FAM20C: variants seen among roughly 807,000 people sequenced by gnomAD.
FAM20C encodes extracellular serine/threonine protein kinase FAM20C.
FAM20C carries 40 observed loss-of-function variants against 51.5 expected under a neutral mutation model. The ratio of observed to expected loss-of-function variants is 0.78; its 90% CI spans 0.60 to 1.01. FAM20C has a LOEUF of 1.01. Among genes scored for constraint, FAM20C ranks in the 50% least tolerant of loss-of-function variants. The pLI is 0.00. For missense variants in FAM20C, 861 were observed against 844.7 expected, an observed-to-expected ratio of 1.02 and a Z score of -0.24; for synonymous variants, 406 against 380.6, an observed-to-expected ratio of 1.07 and a Z score of -0.78.
intron 3 of FAM20C, among the ~76,000 whole-genome samples, chr7:210,691 C>G (rs1250488458): frequency 3.9e-5 from 6 of 152,090 alleles, no homozygotes; most frequent in Non-Finnish European, 8.8e-5. Flanking sequence ...AGCTACGGGA[C>G]CTTGAGTGCT....
At chr7:243,948 A>ATTATTATTC (rs1554254475) in intron 3 of FAM20C, among the ~76,000 whole-genome samples, 2 of 147,488 alleles carry the variant, frequency 1.4e-5, no homozygotes, top group Admixed American at 1.4e-4. Context: ...AATAATAATT[A>ATTATTATTC]TTATTATTAT....
chr7:205,147 C>A (rs555669092), intron 2 of FAM20C, among the ~76,000 whole-genome samples: 15 of 152,324 alleles, frequency 9.8e-5, no homozygotes, highest in African/African-American at 3.6e-4. Context: ...TCCTGAGCCC[C>A]ATTGTTTTCT....
intron 2 of FAM20C, among the ~76,000 whole-genome samples, chr7:196,009 G>A (rs1785850073): frequency 6.6e-6 from 1 of 152,218 alleles, no homozygotes; most frequent in South Asian, 2.1e-4. Context: ...GGTGGTCCCG[G>A]GGGTGCCAAC....
Position 207,233 on chromosome 7 carries a change from T to G in FAM20C, c.785-1665T>G, listed in dbSNP as rs28705134. Among the ~76,000 whole-genome samples, 20 of 16,890 alleles carry G rather than the reference T, an allele frequency of 1.2e-3. 1 individual carries two copies. Among genetic ancestry groups the G allele is most frequent in the East Asian group, 0.011 (6 of 522 alleles). The allele number at this position is 16,890 out of a possible 152,430, so 11.1% of individuals were successfully genotyped here. ...GTATCCACTGTGAGGCGTCGGTCACTGTCCCCTCGGCCCCGCACACGTGTC... is the reference window on the plus strand; with the variant it reads ...GTATCCACTGTGAGGCGTCGGTCACGGTCCCCTCGGCCCCGCACACGTGTC... On this transcript the variant is annotated intron_variant, in intron 2 of 9. Coordinates refer to ENST00000313766, the MANE Select transcript of FAM20C (RefSeq NM_020223.4).
At chr7:210,569 C>T (rs933974802) in intron 3 of FAM20C, among the ~76,000 whole-genome samples, 7 of 152,046 alleles carry the variant, frequency 4.6e-5, no homozygotes, top group East Asian at 1.9e-4. Context: ...GCCGCGGGCA[C>T]GGCTGGGGGA....
rs373614292 is a variant in FAM20C, at chr7:255,928, C to T, written c.1152C>T (p.Ile384=). The change falls in exon 6 of 10, where the codon ATC becomes ATT. Residue 384 remains isoleucine, a synonymous_variant. Transcript: ENST00000313766. ...EHALCGKPDQ[I]EGSLAAFLPD... ...CCCTGTGCGGGAAGCCAGACCAGAT[C>T]GAGGGCTCGCTGGCGGCCTTCCTGC... 6.8e-5 allele frequency: 105 copies of T among 1,536,368 alleles called. No homozygotes were observed. The Admixed American group carries it at 1.3e-3, about 19-fold the overall frequency.
At position 243,948 on chromosome 7, in the gene FAM20C, A is replaced by ATTATTC. The variant is rs1436529052; in HGVS notation, c.864-2462_864-2461insCTTATT. On this transcript the variant is annotated intron_variant, in intron 3 of 9. Coordinates refer to ENST00000313766, the MANE Select transcript of FAM20C (RefSeq NM_020223.4). Reference sequence around the variant, plus strand: ...AATAATAATAATAATAATAATAATTATTATTATTATTATTTGGAGACAGGG... The same window carrying ATTATTC: ...AATAATAATAATAATAATAATAATTATTATTCTTATTATTATTATTTGGAGACAGGG... Among the ~76,000 whole-genome samples the ATTATTC allele has an allele frequency of 1.5e-4, 22 of 147,488 alleles. 1 individual carries two copies. Among genetic ancestry groups the ATTATTC allele is most frequent in the African/African-American group, 5.4e-4 (22 of 40,622 alleles).
chr7:256,587 C>T (rs1241827195), intron 6 of FAM20C, 67 bp from the exon 7 acceptor site: 5 of 1,317,634 alleles, frequency 3.8e-6, no homozygotes, highest in Non-Finnish European at 3.2e-6. Flanking sequence ...TCTTCTGCTC[C>T]TCATGGCACG....
intron 5 of FAM20C, among the ~76,000 whole-genome samples, chr7:252,906 G>A (rs139717745): frequency 0.053 from 8,082 of 152,350 alleles, 268 homozygotes; most frequent in Non-Finnish European, 0.081. Flanking sequence ...CGTTGCAAAC[G>A]TCCCAGAGGT....
At chr7:255,130 C>T (rs879652836) in intron 5 of FAM20C, among the ~76,000 whole-genome samples, 2 of 152,134 alleles carry the variant, frequency 1.3e-5, no homozygotes, top group Admixed American at 6.5e-5. Flanking sequence ...TCCTGGGTCA[C>T]GTGGAAACAC....
chr7:255,038 C>CG (rs929903601), intron 5 of FAM20C, among the ~76,000 whole-genome samples: 16 of 152,180 alleles, frequency 1.1e-4, no homozygotes, highest in African/African-American at 3.9e-4. Flanking sequence ...CTGTGGTGAG[C>CG]GGTGCTGCTG....
rs777009380 is a variant in FAM20C at position 195,701 on chromosome 7, C to G, written c.753C>G (p.His251Gln). 3 of 1,609,858 alleles carry G rather than the reference C, an allele frequency of 1.9e-6. No homozygotes were observed. The highest frequency in any genetic ancestry group is 1.7e-6 in the Non-Finnish European group (2 of 1,178,076). Residue 251 changes from histidine to glutamine, a missense_variant, in exon 2 of 10, where the codon CAC becomes CAG. By Grantham distance (24) the His-to-Gln change is conservative. Transcript: ENST00000313766. ...ACCCGGCCATCGAGGCCCTGCTGCA[C>G]GACCTCAGCTCCCAGAGGATCACCA... ...RHNPAIEALLHDLSSQRITSV... is the reference protein window; with the variant it reads ...RHNPAIEALLQDLSSQRITSV...
chr7:195,269 C>T (rs575390230), intron 1 of FAM20C: 203 of 351,884 alleles, frequency 5.8e-4, no homozygotes, highest in African/African-American at 4.0e-3. Context: ...GGCAGGGCAG[C>T]GCTGACGTCC....
At chr7:254,255 A>G (rs903738934) in intron 5 of FAM20C, among the ~76,000 whole-genome samples, 8 of 152,156 alleles carry the variant, frequency 5.3e-5, no homozygotes, top group African/African-American at 1.9e-4. Flanking sequence ...TCCGCTGGGA[A>G]GCGCCCTGCC....
At chr7:235,600 G>A (rs1226821838) in intron 3 of FAM20C, among the ~76,000 whole-genome samples, 1 of 152,228 alleles carries the variant, frequency 6.6e-6, no homozygotes, top group Non-Finnish European at 1.5e-5. Context: ...TGCCGAGGAG[G>A]TCCTGGGTAG....
intron 3 of FAM20C, among the ~76,000 whole-genome samples, chr7:213,235 G>C (rs558296183): frequency 8.7e-5 from 13 of 148,680 alleles, no homozygotes; most frequent in South Asian, 2.2e-4. Context: ...GTGACATGGA[G>C]GGCTGTGGAG....
chr7:244,992 G>A (rs931073909), intron 3 of FAM20C, among the ~76,000 whole-genome samples: 3 of 152,336 alleles, frequency 2.0e-5, no homozygotes, highest in South Asian at 4.1e-4. Flanking sequence ...TGTAATTGAC[G>A]GCCTGTGACC....
chr7:194,538 G>C (rs541886876), intron 1 of FAM20C, among the ~76,000 whole-genome samples: 1 of 152,202 alleles, frequency 6.6e-6, no homozygotes, highest in East Asian at 1.9e-4. Context: ...AGCAGCAGAG[G>C]GGGAGACCAG....
intron 3 of FAM20C, among the ~76,000 whole-genome samples, chr7:220,460 G>T (rs28425712): frequency 1.3e-5 from 2 of 152,032 alleles, no homozygotes; most frequent in Non-Finnish European, 2.9e-5. Flanking sequence ...TTCAGAGAGG[G>T]GTGATGCGTG....
Sources: allele counts gnomAD v4.1 joint callset (sites outside exome capture counted in the v4.1 genomes callset), GRCh38; gene constraint gnomAD v4.1.1; transcripts MANE v1.5; gene names NCBI Gene and HGNC (gene_info 2026-07-23, HGNC 2026-07-21).